Variants in KLKB1 observed in about 807,000 individuals in gnomAD.
The protein encoded by KLKB1 is plasma kallikrein.
A neutral mutation model predicts 73.6 loss-of-function variants in KLKB1; 58 were observed. That is an observed-to-expected ratio of 0.79 (90% CI 0.64 to 0.98). The LOEUF (loss-of-function observed/expected upper bound fraction) is 0.98, where lower values mean the gene tolerates loss of function less well. KLKB1 is among the 50% of genes least tolerant of loss of function. The probability of loss-of-function intolerance (pLI) is 0.00; values close to 1 mark genes in which losing one functional copy is unlikely to be tolerated. For synonymous variants in KLKB1, 280 were observed against 258.1 expected (o/e 1.08, Z -0.81); for missense variants, 737 against 763.8 (o/e 0.96, Z 0.41).
chr4:186,212,139 G>C (rs1736743737), intron 2 of KLKB1: 1 of 152,104 alleles, frequency 6.6e-6, no homozygotes, highest in African/African-American at 2.4e-5. Flanking sequence ...AATACGTAGA[G>C]ATCTATACCC....
chr4:186,250,842 T>C (rs1387816699), intron 7 of KLKB1, among the ~76,000 whole-genome samples: 1 of 152,202 alleles, frequency 6.6e-6, no homozygotes, highest in Admixed American at 6.5e-5. Context: ...TTATCTCAGA[T>C]AACCCACCCT....
intron 6 of KLKB1, among the ~76,000 whole-genome samples, chr4:186,244,464 G>A (rs1024756072): frequency 1.3e-5 from 2 of 152,174 alleles, no homozygotes; most frequent in African/African-American, 4.8e-5. Flanking sequence ...AAGTAATGGG[G>A]GCTGTCCTCG....
At position 186,231,328 on chromosome 4, in the gene KLKB1, C is replaced by T. The variant is rs547710196; in HGVS notation, c.59-799C>T. ...ACCAGATTTCAAAGACAGTCTTTCCCGGTAAATCCAAATTTACAAATTAAA... is the reference window on the plus strand; with the variant it reads ...ACCAGATTTCAAAGACAGTCTTTCCTGGTAAATCCAAATTTACAAATTAAA... On this transcript the variant is annotated intron_variant, in intron 2 of 14. Transcript: ENST00000264690. Among the ~76,000 whole-genome samples the T allele has an allele frequency of 4.6e-5, 7 of 152,212 alleles. No homozygotes were observed. The South Asian group carries it at 6.2e-4, about 14-fold the overall frequency.
chr4:186,212,953 C>T (rs937123801), intron 2 of KLKB1: 2 of 152,178 alleles, frequency 1.3e-5, no homozygotes, highest in Non-Finnish European at 2.9e-5. Flanking sequence ...AGAAAATGGG[C>T]ATATTAGAAA....
At chr4:186,241,504 C>G (rs1433864421) in intron 6 of KLKB1, among the ~76,000 whole-genome samples, 1 of 152,124 alleles carries the variant, frequency 6.6e-6, no homozygotes, top group Admixed American at 6.5e-5. Context: ...AGATTTCCTT[C>G]TCTTGTGGTC....
intron 2 of KLKB1, among the ~76,000 whole-genome samples, chr4:186,218,474 C>A (rs1736959294): frequency 6.6e-6 from 1 of 152,006 alleles, no homozygotes. Flanking sequence ...AAATTAGGGT[C>A]CTTTTGAGTG....
chr4:186,233,658 A>C (rs1737516810), intron 3 of KLKB1, among the ~76,000 whole-genome samples: 1 of 152,256 alleles, frequency 6.6e-6, no homozygotes, highest in Non-Finnish European at 1.5e-5. Context: ...AATAATTACC[A>C]ATTGAGAACA....
At chr4:186,222,220 C>G (rs528009749), upstream of KLKB1, among the ~76,000 whole-genome samples, 18 of 152,302 alleles carry the variant, frequency 1.2e-4, no homozygotes, top group African/African-American at 4.1e-4. Context: ...CTCATCCACT[C>G]TCTCTTTTGA....
At chr4:186,222,922 C>T (rs975941779), upstream of KLKB1, among the ~76,000 whole-genome samples, 2 of 152,044 alleles carry the variant, frequency 1.3e-5, no homozygotes, top group Admixed American at 6.6e-5. Flanking sequence ...AATTGCAATC[C>T]CCAGGTGTCA....
chr4:186,255,833 T>C (rs1401467507), intron 12 of KLKB1, among the ~76,000 whole-genome samples, 159 bp from the exon 13 acceptor site: 1 of 152,196 alleles, frequency 6.6e-6, no homozygotes, highest in Non-Finnish European at 1.5e-5. Context: ...GGTGACAAAT[T>C]TTCTTGAATC....
intron 2 of KLKB1, among the ~76,000 whole-genome samples, chr4:186,231,088 G>A (rs1737381727): frequency 1.3e-5 from 2 of 152,146 alleles, no homozygotes; most frequent in Non-Finnish European, 2.9e-5. Flanking sequence ...CCAGGGGGTA[G>A]GATAGTGCAG....
upstream of KLKB1, among the ~76,000 whole-genome samples, chr4:186,223,711 A>G (rs1737080734): frequency 6.6e-6 from 1 of 152,240 alleles, no homozygotes; most frequent in Non-Finnish European, 1.5e-5. Flanking sequence ...TTATGTTTAA[A>G]AGGGAAGCAA....
chr4:186,236,113 CAAAAAA>C (rs57285912), intron 4 of KLKB1, among the ~76,000 whole-genome samples: 3 of 113,766 alleles, frequency 2.6e-5, no homozygotes, highest in Admixed American at 8.9e-5. Context: ...GACTCCGTCT[CAAAAAA>C]AAAAAAAAAA....
chr4:186,249,395 G>A (rs760952831), intron 6 of KLKB1, among the ~76,000 whole-genome samples: 3 of 152,130 alleles, frequency 2.0e-5, no homozygotes, highest in Non-Finnish European at 4.4e-5. Context: ...CCATTGTCTT[G>A]AAACCCTTTT....
intron 5 of KLKB1, 36 bp from the exon 6 acceptor site, chr4:186,238,220 G>A (rs1737799175): frequency 7.2e-7 from 1 of 1,391,306 alleles, no homozygotes; most frequent in Non-Finnish European, 1.0e-6. Flanking sequence ...CCCTCAAAGT[G>A]CAGAAAGCAA....
rs188737282 is a variant in KLKB1 at position 186,215,561 on chromosome 4, T to C, written c.201+6289T>C. ...ATGGAAATACAGTAAATTAAGACAT[T>C]TATTTATTTATTTATTTATTTATCT... On this transcript the variant is annotated intron_variant, in intron 2 of 14. Transcript: ENST00000511608. Among the ~76,000 whole-genome samples the C allele has an allele frequency of 1.3e-4, 19 of 150,674 alleles. No individual in the cohort carries two copies. In the East Asian group the frequency reaches 3.7e-3, roughly 29 times the overall value.
At chr4:186,217,390 A>C (rs919735228) in intron 2 of KLKB1, among the ~76,000 whole-genome samples, 1 of 152,168 alleles carries the variant, frequency 6.6e-6, no homozygotes, top group African/African-American at 2.4e-5. Context: ...AGATTTGTTG[A>C]CTACTGCTGC....
intron 11 of KLKB1, among the ~76,000 whole-genome samples, chr4:186,253,423 T>C (rs1395214743): frequency 6.6e-6 from 1 of 152,196 alleles, no homozygotes; most frequent in Non-Finnish European, 1.5e-5. Flanking sequence ...GGCTCTGCCA[T>C]ACATGACCTT....
At chr4:186,217,669 G>A (rs895280573) in intron 2 of KLKB1, among the ~76,000 whole-genome samples, 4 of 152,286 alleles carry the variant, frequency 2.6e-5, no homozygotes, top group Admixed American at 6.5e-5. Flanking sequence ...TTTAAAAGCA[G>A]AAAAAGGAGA....
Sources: allele counts gnomAD v4.1 joint callset (sites outside exome capture counted in the v4.1 genomes callset), GRCh38; gene constraint gnomAD v4.1.1; transcripts MANE v1.5; gene names NCBI Gene and HGNC (gene_info 2026-07-23, HGNC 2026-07-21).